MSH3: variants seen among roughly 807,000 people sequenced by gnomAD.
MSH3 encodes mutS homolog 3.
Under a neutral mutation model 123.3 loss-of-function variants are expected in MSH3, and 106 were observed. The ratio of observed to expected loss-of-function variants is 0.86; its 90% CI spans 0.73 to 1.01. The LOEUF is 1.01. Among genes scored for constraint, MSH3 ranks in the 50% least tolerant of loss-of-function variants. The pLI, the probability that MSH3 is intolerant of heterozygous loss-of-function variation, is 0.00. For synonymous variants in MSH3, 515 were observed against 481.4 expected, an observed-to-expected ratio of 1.07 and a Z score of -0.91; for missense variants, 1,459 against 1,347.6, an observed-to-expected ratio of 1.08 and a Z score of -1.29.
chr5:80,768,825 G>T lies in MSH3; in HGVS notation c.2085-10G>T. On this transcript the variant is annotated splice_polypyrimidine_tract_variant and intron_variant, in intron 14 of 23. Coordinates refer to ENST00000265081, the MANE Select transcript of MSH3 (RefSeq NM_002439.5). Reference sequence around the variant, plus strand: ...CTTCGAATATGTATTTGCATGTTTTGATTTTTTAGAGTTGGGGATAAAACT... The same window carrying T: ...CTTCGAATATGTATTTGCATGTTTTTATTTTTTAGAGTTGGGGATAAAACT... 1 of 1,595,658 alleles carries T rather than the reference G, an allele frequency of 6.3e-7. No homozygotes were observed. Among genetic ancestry groups the T allele is most frequent in the South Asian group, 1.1e-5 (1 of 89,946 alleles).
chr5:80,782,345 C>T (rs970771362), intron 17 of MSH3, among the ~76,000 whole-genome samples: 4 of 74,350 alleles, frequency 5.4e-5, no homozygotes, highest in South Asian at 5.7e-4. Context: ...ATACTGAACA[C>T]ATACAGGCTT....
intron 16 of MSH3, among the ~76,000 whole-genome samples, chr5:80,776,930 T>A (rs1679092): frequency 0.48 from 55,044 of 113,980 alleles, 10,692 homozygotes; most frequent in South Asian, 0.55. Flanking sequence ...ATATATATAT[T>A]TTTTTTTTTT....
chr5:80,746,533 A>C, intron 12 of MSH3: 1 of 458,502 alleles, frequency 2.2e-6, no homozygotes, highest in East Asian at 6.4e-5. Flanking sequence ...TACAAAAAGT[A>C]TTCCTTGATC....
chr5:80,750,013 G>A lies in MSH3; in HGVS notation c.1763+5398G>A, dbSNP rs141208367. Among the ~76,000 whole-genome samples, 311 of 148,874 alleles carry A rather than the reference G, an allele frequency of 2.1e-3. 1 individual carries two copies. The highest frequency in any genetic ancestry group is 4.1e-3 in the Non-Finnish European group (275 of 67,632). On this transcript the variant is annotated intron_variant, in intron 12 of 23. Coordinates refer to ENST00000265081, the MANE Select transcript of MSH3 (RefSeq NM_002439.5). ...TTTCACTTTGCATTATGTCCTCTAG[G>A]TTCATCCATATTGTCAAATGATAGA... is the stretch of plus-strand genomic sequence containing the variant.
rs372077218 is a variant in MSH3 at position 80,787,601 on chromosome 5, A to G, written c.2472A>G (p.Ala824=). Residue 824 remains alanine, a synonymous_variant, in exon 18 of 24, where the codon GCA becomes GCG. Transcript: ENST00000265081. The part of the protein sequence containing the change: ...FSEHYHSLCK[A]VHHLATVDCI... ...AACATTATCACTCCTTGTGTAAAGC[A>G]GTGCATCACCTAGCAACTGTTGACT... 1 of 1,613,962 alleles carries G rather than the reference A, an allele frequency of 6.2e-7. No individual in the cohort carries two copies. The highest frequency in any genetic ancestry group is 1.3e-5 in the African/African-American group (1 of 75,058).
Position 80,848,948 on chromosome 5 carries a change from C to G in MSH3, c.2814-5182C>G, listed in dbSNP as rs186118695. Among the ~76,000 whole-genome samples, 1,159 of 152,294 alleles carry G rather than the reference C, an allele frequency of 7.6e-3. 3 individuals carry two copies. The highest frequency in any genetic ancestry group is 0.01 in the Non-Finnish European group (705 of 68,014). On this transcript the variant is annotated intron_variant, in intron 20 of 23. Coordinates refer to ENST00000265081, the MANE Select transcript of MSH3 (RefSeq NM_002439.5). ...GTCCAAAGTCTCATCCAGGACAAGG[C>G]AAGTCCCTTCTGCCTATGAGCCTGT...
At chr5:80,678,730 G>A (rs1327827131) in intron 7 of MSH3, among the ~76,000 whole-genome samples, 197 bp from the exon 8 acceptor site, 2 of 152,098 alleles carry the variant, frequency 1.3e-5, no homozygotes, top group Non-Finnish European at 2.9e-5. Flanking sequence ...CTGATTTATA[G>A]TATCATTTAG....
chr5:80,848,564 T>C (rs1372873320), intron 20 of MSH3, among the ~76,000 whole-genome samples: 1 of 152,240 alleles, frequency 6.6e-6, no homozygotes, highest in Non-Finnish European at 1.5e-5. Flanking sequence ...CTCACAATCA[T>C]GGCAGAAGGC....
chr5:80,696,736 A>G (rs527755576), intron 8 of MSH3, among the ~76,000 whole-genome samples: 2 of 152,112 alleles, frequency 1.3e-5, no homozygotes, highest in Non-Finnish European at 2.9e-5. Context: ...AAGTTCTTCA[A>G]TCAAGATCTT....
Position 80,875,739 on chromosome 5 carries a change from AT to A in MSH3, c.3303-7del. ...TCATTTATTAAATAAGTAGTATTTG[AT>A]TTTTCCCCAGAAAGAGACTCAAGTA... On this transcript the variant is annotated splice_polypyrimidine_tract_variant and intron_variant, in intron 23 of 23. Transcript: ENST00000265081. The A allele has an allele frequency of 6.6e-7, 1 of 1,525,820 alleles. No homozygotes were observed. The highest frequency in any genetic ancestry group is 9.1e-7 in the Non-Finnish European group (1 of 1,100,108). 94.5% of individuals were successfully genotyped at this position (1,525,820 alleles called of 1,614,324 possible).
chr5:80,745,498 C>T (rs187110817), intron 12 of MSH3, among the ~76,000 whole-genome samples: 129 of 152,294 alleles, frequency 8.5e-4, no homozygotes, highest in African/African-American at 3.0e-3. Flanking sequence ...CACTAACTTG[C>T]TTAGTGTTTC....
intron 22 of MSH3, among the ~76,000 whole-genome samples, chr5:80,870,516 CT>C (rs1746194831): frequency 2.0e-5 from 3 of 152,184 alleles, no homozygotes; most frequent in Admixed American, 6.5e-5. Flanking sequence ...CAGGCACTGG[CT>C]TCTAGCTGCA....
chr5:80,729,667 G>A lies in MSH3; in HGVS notation c.1568+702G>A, dbSNP rs6151736. 4.4e-3 allele frequency among the ~76,000 whole-genome samples: 673 copies of A among 152,114 alleles called. 7 individuals are homozygous for A. Among genetic ancestry groups the A allele is most frequent in the African/African-American group, 0.016 (650 of 41,498 alleles). On this transcript the variant is annotated intron_variant, in intron 10 of 23. Coordinates refer to ENST00000265081, the MANE Select transcript of MSH3 (RefSeq NM_002439.5). ...AGACCATGAAGTTAGAGATAAAAGG[G>A]CCAGCTGCTAACACAGCTTTTTACA...
At chr5:80,804,158 TAAAC>T (rs1189373616) in intron 19 of MSH3, among the ~76,000 whole-genome samples, 1 of 152,250 alleles carries the variant, frequency 6.6e-6, no homozygotes, top group African/African-American at 2.4e-5. Flanking sequence ...TATGGACACT[TAAAC>T]AATATTTATT....
intron 20 of MSH3, among the ~76,000 whole-genome samples, chr5:80,835,276 A>G (rs114563493): frequency 3.1e-4 from 47 of 152,336 alleles, no homozygotes; most frequent in African/African-American, 1.1e-3. Flanking sequence ...TTTGGTAAGA[A>G]CAAAGACCTT....
In MSH3 at chr5:80,717,689, A is replaced by G. The variant is rs187899511; in HGVS notation, c.1341-7764A>G. On this transcript the variant is annotated intron_variant, in intron 8 of 23. Coordinates refer to ENST00000265081, the MANE Select transcript of MSH3 (RefSeq NM_002439.5). Reference sequence around the variant, plus strand: ...ACCAACACTTTTTGTCTTTGTGACAATAGCCATTCTAACAGGAATGAGGTA... The same window carrying G: ...ACCAACACTTTTTGTCTTTGTGACAGTAGCCATTCTAACAGGAATGAGGTA... Among the ~76,000 whole-genome samples the G allele has an allele frequency of 1.3e-4, 20 of 152,354 alleles. No individual in the cohort carries two copies. The East Asian group carries it at 3.7e-3, about 28-fold the overall frequency.
At chr5:80,674,857 G>A (rs1749801743) in intron 6 of MSH3, 126 bp from the exon 7 acceptor site, 1 of 832,820 alleles carries the variant, frequency 1.2e-6, no homozygotes. Context: ...TGGGATTACA[G>A]GTGTGAGCCA....
At chr5:80,678,060 C>T (rs749069943) in intron 7 of MSH3, among the ~76,000 whole-genome samples, 1 of 152,176 alleles carries the variant, frequency 6.6e-6, no homozygotes, top group African/African-American at 2.4e-5. Context: ...TAATGCCTTG[C>T]TGTTGTCAGA....
chr5:80,865,094 T>C, intron 22 of MSH3, 152 bp downstream of exon 22: 3 of 806,744 alleles, frequency 3.7e-6, no homozygotes, highest in Non-Finnish European at 4.1e-6. Flanking sequence ...TGCTAAGCTT[T>C]AGGTCAAGTA....
Sources: gnomAD v4.1 joint callset for allele counts (sites outside exome capture counted in the v4.1 genomes callset) on GRCh38, gnomAD v4.1.1 for gene constraint, MANE v1.5 for transcripts, NCBI Gene and HGNC (gene_info 2026-07-23, HGNC 2026-07-21) for gene names.